The following CCDC85C variants were observed in gnomAD, a reference collection of about 807,000 sequenced individuals.
CCDC85C encodes the protein coiled-coil domain-containing protein 85C.
In CCDC85C, 18 loss-of-function variants were observed where a neutral mutation model predicts 38.3. The ratio of observed to expected loss-of-function variants is 0.47; its 90% confidence interval spans 0.33 to 0.70. CCDC85C has a LOEUF of 0.70. Among genes scored for constraint, CCDC85C ranks in the 30% least tolerant of loss-of-function variants. CCDC85C has a pLI of 0.03. For missense variants in CCDC85C, 566 were observed against 621.2 expected (o/e 0.91, Z 0.94); for synonymous variants, 264 against 293.8 (o/e 0.90, Z 1.04).
Position 99,503,124 on chromosome 14 carries a change from G to C in CCDC85C, c.*12122C>G. ...GCCGAAACTCGCAGTCCGACTGCTT[G>C]TCGGTGGGGAGCCTGAAAACAAAGG... On this transcript the variant is annotated 3_prime_UTR_variant, in exon 6 of 6. Transcript: ENST00000380243. 3.1e-6 allele frequency: 3 copies of C among 977,038 alleles called. No homozygotes were observed. The highest frequency in any genetic ancestry group is 1.3e-5 in the South Asian group (1 of 76,400). The allele number at this position is 977,038 out of a possible 1,614,324, so 60.5% of individuals were successfully genotyped here.
At chr14:99,523,793 G>A (rs1897334299) in intron 2 of CCDC85C, among the ~76,000 whole-genome samples, 1 of 152,162 alleles carries the variant, frequency 6.6e-6, no homozygotes, top group Admixed American at 6.5e-5. Context: ...TCAGCACGGG[G>A]GCCTTGGGCA....
intron 1 of CCDC85C, among the ~76,000 whole-genome samples, chr14:99,589,444 G>C (rs1369036444): frequency 6.6e-6 from 1 of 152,092 alleles, no homozygotes; most frequent in Non-Finnish European, 1.5e-5. Context: ...TTCGGTTGTG[G>C]AGCCTCCCGA....
At chr14:99,556,316 G>A (rs1378579494) in intron 1 of CCDC85C, among the ~76,000 whole-genome samples, 3 of 152,188 alleles carry the variant, frequency 2.0e-5, no homozygotes, top group African/African-American at 7.2e-5. Flanking sequence ...TACTTGGGAG[G>A]CTAAGGCGGG....
At chr14:99,577,166 C>T (rs1898496273) in intron 1 of CCDC85C, among the ~76,000 whole-genome samples, 1 of 152,088 alleles carries the variant, frequency 6.6e-6, no homozygotes, top group African/African-American at 2.4e-5. Context: ...TTACTCCTCA[C>T]TCCCCCTTCC....
chr14:99,591,555 G>A lies in CCDC85C; in HGVS notation c.793+11612C>T, dbSNP rs756936887. Among the ~76,000 whole-genome samples, 37 of 150,344 alleles carry A rather than the reference G, an allele frequency of 2.5e-4. 1 individual carries two copies. The highest frequency in any genetic ancestry group is 1.5e-3 in the Admixed American group (23 of 15,194). ...GAGGAAGGGCAGGATTTCAATCTGC[G>A]CAGGAGGCAGGACGGGGGGGCCACC... On this transcript the variant is annotated intron_variant, in intron 1 of 5. Coordinates refer to ENST00000380243, the MANE Select transcript of CCDC85C (RefSeq NM_001144995.2).
At chr14:99,553,394 C>T (rs2021099) in intron 1 of CCDC85C, among the ~76,000 whole-genome samples, 80,568 of 151,758 alleles carry the variant, frequency 0.53, 21,568 homozygotes, top group African/African-American at 0.58. Flanking sequence ...AGACAGAGTC[C>T]TGCTTTGTCG....
Position 99,603,521 on chromosome 14 carries a change from G to A in CCDC85C, c.439C>T (p.Leu147=). The A allele has an allele frequency of 1.5e-6, 2 of 1,362,294 alleles. No homozygotes were observed. The highest frequency in any genetic ancestry group is 1.9e-6 in the Non-Finnish European group (2 of 1,064,606). The allele number at this position is 1,362,294 out of a possible 1,614,324, so 84.4% of individuals were successfully genotyped here. The change falls in exon 1 of 6, where the codon CTG becomes TTG. Residue 147 remains leucine (L), a synonymous_variant. Coordinates refer to ENST00000380243, the MANE Select transcript of CCDC85C (RefSeq NM_001144995.2). This position sits in a 1 kb window ranked among gnomAD's most constrained non-coding sequence, Gnocchi z 7.5. ...CGCTCCTCGTCCAGCAGCAGCACCA[G>A]CTCCTTGAGCTCCAGGTTCTCGCGC... ...LLRENLELKE[L]VLLLDEERAA... is the part of the protein sequence containing the mutation.
rs1595336348 is a variant in CCDC85C, at chr14:99,517,094, G to A, written c.1065C>T (p.Ala355=). Residue 355 remains alanine, a synonymous_variant, in exon 4 of 6, where the codon GCC becomes GCT. Transcript: ENST00000380243. ...AGCGGGTAGTGGCCCTCACCTTCAT[G>A]GCATGCACGACAGCCTCGGGCTTCT... ...AGQKPEAVVH[A]MKVLEVHENL... The A allele has an allele frequency of 1.3e-6, 2 of 1,550,458 alleles. No homozygotes were observed. Among genetic ancestry groups the A allele is most frequent in the Non-Finnish European group, 1.7e-6 (2 of 1,146,898 alleles).
At position 99,569,754 on chromosome 14, in the gene CCDC85C, C is replaced by G. The variant is rs953065412; in HGVS notation, c.793+33413G>C. Among the ~76,000 whole-genome samples the G allele has an allele frequency of 6.6e-6, 1 of 152,180 alleles. No homozygotes were observed. The highest frequency in any genetic ancestry group is 2.4e-5 in the African/African-American group (1 of 41,452). ...CACACCCCACATTTCAGGTGCAATG[C>G]TCCAAGGCGACGCAGGGAGGGATCT... is the stretch of plus-strand genomic sequence containing the variant. On this transcript the variant is annotated intron_variant, in intron 1 of 5. Coordinates refer to ENST00000380243, the MANE Select transcript of CCDC85C (RefSeq NM_001144995.2). This position sits in a 1 kb window ranked among gnomAD's most constrained non-coding sequence, Gnocchi z 4.3.
intron 1 of CCDC85C, chr14:99,580,082 T>TAGAC (rs1353646233): frequency 2.2e-6 from 1 of 455,292 alleles, no homozygotes; most frequent in Non-Finnish European, 4.4e-6. Context: ...TCCTAAACAG[T>TAGAC]AGACACCTTC....
rs562872263 is a variant in CCDC85C at position 99,591,221 on chromosome 14, A to G, written c.793+11946T>C. 8.5e-5 allele frequency among the ~76,000 whole-genome samples: 13 copies of G among 152,300 alleles called. No homozygotes were observed. The East Asian group carries it at 2.5e-3, about 29-fold the overall frequency. ...AAGCCTTTGCGGCCTCATTTCGAGA[A>G]CAAGGTGCTGGCGGCTGGGAACCAG... On this transcript the variant is annotated intron_variant, in intron 1 of 5. Transcript: ENST00000380243.
intron 1 of CCDC85C, among the ~76,000 whole-genome samples, chr14:99,550,356 A>C (rs754711410): frequency 6.6e-6 from 1 of 152,174 alleles, no homozygotes; most frequent in Non-Finnish European, 1.5e-5. Context: ...GTAATACTGA[A>C]GATGGGGAAG....
At chr14:99,554,235 T>C (rs1184476221) in intron 1 of CCDC85C, among the ~76,000 whole-genome samples, 2 of 151,972 alleles carry the variant, frequency 1.3e-5, no homozygotes, top group African/African-American at 4.8e-5. Flanking sequence ...CATGGCACTG[T>C]GCTTCTAACC....
At chr14:99,597,803 C>T (rs146284739) in intron 1 of CCDC85C, among the ~76,000 whole-genome samples, 108 of 152,208 alleles carry the variant, frequency 7.1e-4, no homozygotes, top group African/African-American at 2.3e-3. Flanking sequence ...CAGCTGCCTC[C>T]GACCCTACAC....
Position 99,569,818 on chromosome 14 carries a change from T to C in CCDC85C, c.793+33349A>G, listed in dbSNP as rs987145784. On this transcript the variant is annotated intron_variant, in intron 1 of 5. Transcript: ENST00000380243. This position sits in a 1 kb window ranked among gnomAD's most constrained non-coding sequence, Gnocchi z 4.3. ...ACTGATTTGGAACATCTGCGGATAC[T>C]GGAGGTTAGAAAGACCCCTGTTGTA... 7.9e-5 allele frequency among the ~76,000 whole-genome samples: 12 copies of C among 152,116 alleles called. No individual in the cohort carries two copies. Among genetic ancestry groups the C allele is most frequent in the South Asian group, 2.1e-4 (1 of 4,820 alleles).
chr14:99,584,914 C>T (rs1489255428), intron 1 of CCDC85C, among the ~76,000 whole-genome samples: 1 of 152,174 alleles, frequency 6.6e-6, no homozygotes, highest in African/African-American at 2.4e-5. Context: ...CACAGCAAGA[C>T]CTTGCCTCTA....
At chr14:99,577,990 T>TTG (rs891587844) in intron 1 of CCDC85C, among the ~76,000 whole-genome samples, 2 of 138,408 alleles carry the variant, frequency 1.4e-5, no homozygotes, top group Non-Finnish European at 3.1e-5. Flanking sequence ...ATCGGTGTGT[T>TTG]TGTGTGTGTG....
At chr14:99,580,063 G>T (rs1367678943) in intron 1 of CCDC85C, 1 of 455,714 alleles carries the variant, frequency 2.2e-6, no homozygotes, top group African/African-American at 2.0e-5. Context: ...CTTCCTCTTG[G>T]TCTCACATTC....
Position 99,503,238 on chromosome 14 carries a change from C to T in CCDC85C, c.*12008G>A. The T allele has an allele frequency of 4.6e-6, 3 of 658,496 alleles. No individual in the cohort carries two copies. The South Asian group carries it at 5.0e-5, about 11-fold the overall frequency. 40.8% of individuals were successfully genotyped at this position (658,496 alleles called of 1,614,324 possible). A position where few individuals can be genotyped will look rare whatever the true frequency, so the allele number is the denominator to read the frequency against. ...TGCCTGTTTCATCCCTGCCAGGGTT[C>T]TGAAGCCTGTCGGTGTCGTTGCCGT... On this transcript the variant is annotated 3_prime_UTR_variant, in exon 6 of 6. Transcript: ENST00000380243.
Sources: gnomAD v4.1 joint callset for allele counts (sites outside exome capture counted in the v4.1 genomes callset) on GRCh38, gnomAD v4.1.1 for gene constraint, Gnocchi (gnomAD v3.1) non-coding constraint, MANE v1.5 for transcripts, NCBI Gene and HGNC (gene_info 2026-07-23, HGNC 2026-07-21) for gene names.